The following ZNF324B variants were observed in gnomAD, a reference collection of about 807,000 sequenced individuals.
ZNF324B encodes zinc finger protein 324B.
ZNF324B carries 7 observed loss-of-function variants against 10.6 expected under a neutral mutation model. The observed-to-expected ratio is 0.66, with a 90% CI of 0.38 to 1.24. ZNF324B has a LOEUF of 1.24. ZNF324B is among the 50% of genes most tolerant of loss of function. ZNF324B has a pLI of 0.02. For synonymous variants in ZNF324B, 316 were observed against 321.0 expected (o/e 0.98, Z 0.17); for missense variants, 640 against 764.7 (o/e 0.84, Z 1.92).
chr19:58,428,095 G>C, the ZNF324B span, among the ~76,000 whole-genome samples: 5 of 152,192 alleles, frequency 3.3e-5, no homozygotes, highest in African/African-American at 1.2e-4. Context: ...CGGCAAAACT[G>C]TTGTGGCTTC....
At chr19:58,418,680 G>T in the ZNF324B span, 2 of 152,184 alleles carry the variant, frequency 1.3e-5, no homozygotes, top group African/African-American at 4.8e-5. Flanking sequence ...TGTGAAGCTA[G>T]CTCATTGCAG....
chr19:58,442,532 G>A, the ZNF324B span: 1 of 154,194 alleles, frequency 6.5e-6, no homozygotes, highest in African/African-American at 2.4e-5. Flanking sequence ...GTTCAGATGT[G>A]TCTGGAGTTT....
At chr19:58,436,119 G>A in the ZNF324B span, among the ~76,000 whole-genome samples, 3 of 152,172 alleles carry the variant, frequency 2.0e-5, no homozygotes, top group South Asian at 2.1e-4. Flanking sequence ...AAATGTCTAG[G>A]AAACGTAAAT....
chr19:58,453,212 G>A (rs957403645), intron 1 of ZNF324B: 3 of 178,336 alleles, frequency 1.7e-5, no homozygotes, highest in Non-Finnish European at 2.4e-5. Flanking sequence ...CCCCTATGAC[G>A]ACTGGTGGGG....
upstream of ZNF324B, among the ~76,000 whole-genome samples, chr19:58,448,179 A>T (rs2052836103): frequency 6.6e-6 from 1 of 152,262 alleles, no homozygotes; most frequent in South Asian, 2.1e-4. Context: ...AGGTTGGAAC[A>T]GTTTGGAAGC....
the ZNF324B span, chr19:58,435,013 C>T: frequency 1.2e-6 from 2 of 1,614,188 alleles, no homozygotes; most frequent in Non-Finnish European, 1.7e-6. Flanking sequence ...ACATGCTCCA[C>T]ATGTGTAGGG....
chr19:58,445,561 A>C, the ZNF324B span: 1 of 496,504 alleles, frequency 2.0e-6, no homozygotes, highest in Non-Finnish European at 4.0e-6. Flanking sequence ...CATGCCTGTA[A>C]TCCCAGCACT....
upstream of ZNF324B, among the ~76,000 whole-genome samples, chr19:58,447,513 T>C (rs1350334420): frequency 6.6e-6 from 1 of 152,242 alleles, no homozygotes; most frequent in Non-Finnish European, 1.5e-5. Flanking sequence ...CCTGAAGAAT[T>C]ACACATTAGA....
chr19:58,449,289 A>T (rs568309082), upstream of ZNF324B, among the ~76,000 whole-genome samples: 210 of 152,366 alleles, frequency 1.4e-3, no homozygotes, highest in African/African-American at 4.5e-3. Context: ...GATTTGGAGC[A>T]GGCAAAAGTT....
chr19:58,438,544 G>C, the ZNF324B span, among the ~76,000 whole-genome samples: 1 of 149,640 alleles, frequency 6.7e-6, no homozygotes, highest in Admixed American at 6.7e-5. Flanking sequence ...CGCGATCTTG[G>C]CTCACTGCAA....
chr19:58,433,499 G>T, the ZNF324B span: 62 of 1,614,042 alleles, frequency 3.8e-5, no homozygotes, highest in South Asian at 6.6e-4. Flanking sequence ...TCTTGTGTGT[G>T]AACTCTCTGA....
the ZNF324B span, among the ~76,000 whole-genome samples, chr19:58,421,893 T>C: frequency 5.3e-5 from 8 of 152,102 alleles, no homozygotes; most frequent in Admixed American, 1.3e-4. Context: ...GATTTGCAGA[T>C]TCAATGCAGT....
the ZNF324B span, chr19:58,434,320 A>G: frequency 6.2e-7 from 1 of 1,613,948 alleles, no homozygotes; most frequent in Non-Finnish European, 8.5e-7. Context: ...CAGGCACTCA[A>G]AAGGCCTTTC....
At position 58,456,485 on chromosome 19, in the gene ZNF324B, A is replaced by C; in HGVS notation, c.1541A>C (p.Asp514Ala). The C allele has an allele frequency of 1.2e-6, 2 of 1,614,160 alleles. No individual in the cohort carries two copies. The highest frequency in any genetic ancestry group is 1.7e-6 in the Non-Finnish European group (2 of 1,180,022). ...GAGAAGACCAATGCCGCAGCACCAGACTGCACCCCGGGGCCAGGTTTCCTT... is the reference window on the plus strand; with the variant it reads ...GAGAAGACCAATGCCGCAGCACCAGCCTGCACCCCGGGGCCAGGTTTCCTT... Reference protein sequence around the residue: ...TTEKTNAAAPDCTPGPGFLQG... With the variant: ...TTEKTNAAAPACTPGPGFLQG... Residue 514 changes from aspartate to alanine, a missense_variant, in exon 4 of 4, where the codon GAC becomes GCC. Asp to Ala is a moderately radical substitution (Grantham distance 126, BLOSUM62 -2). This residue lies in a region of ZNF324B where 238 missense variants were observed against 258.0 expected (regional missense o/e 0.92). Coordinates refer to ENST00000336614, the MANE Select transcript of ZNF324B (RefSeq NM_207395.3). This position sits in a 1 kb window ranked among gnomAD's most constrained non-coding sequence, Gnocchi z 4.7.
At chr19:58,442,327 C>T in the ZNF324B span, 1 of 150,536 alleles carries the variant, frequency 6.6e-6, no homozygotes, top group Non-Finnish European at 1.5e-5. Context: ...CGCCACCGCA[C>T]CCGGCTAATT....
At chr19:58,424,087 A>C in the ZNF324B span, among the ~76,000 whole-genome samples, 1 of 146,996 alleles carries the variant, frequency 6.8e-6, no homozygotes, top group Admixed American at 6.8e-5. Context: ...TAAAAATACA[A>C]AAAAAAAAAA....
chr19:58,449,482 G>A (rs993801346), upstream of ZNF324B, among the ~76,000 whole-genome samples: 23 of 152,294 alleles, frequency 1.5e-4, no homozygotes, highest in Admixed American at 1.2e-3. Flanking sequence ...CCACGCACCC[G>A]GAAAAGTCAC....
the ZNF324B span, among the ~76,000 whole-genome samples, chr19:58,425,443 G>A: frequency 6.9e-6 from 1 of 144,914 alleles, no homozygotes; most frequent in Non-Finnish European, 1.5e-5. Context: ...CTTCCTTCCT[G>A]TCTTCCTTCT....
the ZNF324B span, chr19:58,437,152 C>T: frequency 6.2e-7 from 1 of 1,614,092 alleles, no homozygotes; most frequent in Non-Finnish European, 8.5e-7. Context: ...TATACAGCCA[C>T]ATCTTCAAAG....
Sources: allele counts gnomAD v4.1 joint callset (sites outside exome capture counted in the v4.1 genomes callset), GRCh38; gene constraint gnomAD v4.1.1; regional missense constraint gnomAD v4.1.1; non-coding constraint Gnocchi (gnomAD v3.1); transcripts MANE v1.5; gene names NCBI Gene and HGNC (gene_info 2026-07-23, HGNC 2026-07-21).